POTEF: variants seen among roughly 807,000 people sequenced by gnomAD.
POTEF encodes ANKRD26-like family C member 1B.
In POTEF, 20 loss-of-function variants were observed where a neutral mutation model predicts 83.2. The observed-to-expected ratio is 0.24, with a 90% CI of 0.17 to 0.35. The LOEUF (loss-of-function observed/expected upper bound fraction) is 0.35, where lower values mean the gene tolerates loss of function less well. Among genes scored for constraint, POTEF ranks in the 10% least tolerant of loss-of-function variants. The probability of loss-of-function intolerance (pLI) is 1.00; values close to 1 mark genes in which losing one functional copy is unlikely to be tolerated. For synonymous variants in POTEF, 196 were observed against 446.4 expected, an observed-to-expected ratio of 0.44 and a Z score of 7.07; for missense variants, 550 against 1,203.2, an observed-to-expected ratio of 0.46 and a Z score of 8.03.
intron 2 of POTEF, among the ~76,000 whole-genome samples, chr2:130,126,082 T>G (rs1345585413): frequency 2.0e-5 from 3 of 150,458 alleles, no homozygotes; most frequent in African/African-American, 7.4e-5. Context: ...GACAGGTGGA[T>G]CACTTGAAGT....
intron 2 of POTEF, among the ~76,000 whole-genome samples, chr2:130,121,022 G>A (rs1296607021): frequency 6.7e-6 from 1 of 150,222 alleles, no homozygotes; most frequent in Non-Finnish European, 1.5e-5. Context: ...TGCGGCGTGC[G>A]CGTGCAAGCC....
At chr2:130,119,219 A>C (rs13406164) in intron 3 of POTEF, among the ~76,000 whole-genome samples, 1 of 149,556 alleles carries the variant, frequency 6.7e-6, no homozygotes, top group Non-Finnish European at 1.5e-5. Flanking sequence ...GCTGGAGTGC[A>C]GTGGCACTAT....
intron 3 of POTEF, among the ~76,000 whole-genome samples, chr2:130,118,198 C>G (rs1170607086): frequency 1.3e-5 from 2 of 151,872 alleles, no homozygotes; most frequent in African/African-American, 4.8e-5. Context: ...CCTCAGCCTC[C>G]TAAAGTGCTG....
chr2:130,087,701 C>T (rs1472159522), intron 13 of POTEF, among the ~76,000 whole-genome samples: 4 of 74,208 alleles, frequency 5.4e-5, no homozygotes, highest in East Asian at 3.7e-4. Context: ...TGGTGGATGT[C>T]GGCTCACTGC....
chr2:130,110,444 A>G, intron 7 of POTEF, 99 bp downstream of exon 7: 1 of 1,578,036 alleles, frequency 6.3e-7, no homozygotes, highest in Non-Finnish European at 8.6e-7. Flanking sequence ...AACTACCTGA[A>G]CCAAACTATG....
rs748964075 is a variant in POTEF, at chr2:130,075,097, T to C, written c.2375A>G (p.Asn792Ser). ...CTCCTCGGGAGCCACACGCAGCTCGTTGTAGAAGGTGTGGTGCCAGATCTT... is the reference window on the plus strand; with the variant it reads ...CTCCTCGGGAGCCACACGCAGCTCGCTGTAGAAGGTGTGGTGCCAGATCTT... Reference protein sequence around the residue: ...MEKIWHHTFYNELRVAPEEHP... With the variant: ...MEKIWHHTFYSELRVAPEEHP... The change falls in exon 17 of 17, where the codon AAC becomes AGC. Residue 792 changes from asparagine to serine, a missense_variant. Transcript: ENST00000409914. The C allele has an allele frequency of 6.8e-6, 11 of 1,613,630 alleles. No individual in the cohort carries two copies. The highest frequency in any genetic ancestry group is 9.3e-6 in the Non-Finnish European group (11 of 1,179,956).
At chr2:130,113,836 C>A (rs1684773212) in intron 5 of POTEF, among the ~76,000 whole-genome samples, 1 of 151,374 alleles carries the variant, frequency 6.6e-6, no homozygotes, top group Non-Finnish European at 1.5e-5. Context: ...ATTTCTCACC[C>A]ACATGACCAA....
chr2:130,094,997 A>G (rs563264570), intron 11 of POTEF, among the ~76,000 whole-genome samples: 5 of 151,986 alleles, frequency 3.3e-5, no homozygotes, highest in Admixed American at 2.6e-4. Flanking sequence ...ATTACCAGGC[A>G]AAACTGTTAG....
In POTEF at chr2:130,075,054, G is replaced by T. The variant is rs566969052; in HGVS notation, c.2418C>A (p.Thr806=). 1 of 1,613,808 alleles carries T rather than the reference G, an allele frequency of 6.2e-7. No homozygotes were observed. The highest frequency in any genetic ancestry group is 1.7e-5 in the Admixed American group (1 of 59,966). ...TGGCCTTAGGGTTCAGGGTGGCCTC[G>T]GTCAGCAGGACGGGGTGCTCCTCGG... The part of the protein sequence containing the change: ...VAPEEHPVLL[T]EATLNPKANR... Residue 806 remains threonine, a synonymous_variant, in exon 17 of 17, where the codon ACC becomes ACA. Transcript: ENST00000409914.
intron 2 of POTEF, among the ~76,000 whole-genome samples, chr2:130,121,324 T>TA (rs1210336427): frequency 2.7e-5 from 4 of 149,582 alleles, no homozygotes; most frequent in African/African-American, 2.5e-5. Context: ...AAAAGCCTCT[T>TA]AAAGGAGGAC....
intron 2 of POTEF, 50 bp from the exon 3 acceptor site, chr2:130,120,658 G>C: frequency 6.7e-7 from 1 of 1,488,518 alleles, no homozygotes; most frequent in Non-Finnish European, 9.0e-7. Context: ...AACCCCAGCA[G>C]GGGATTCCAG....
In POTEF at chr2:130,075,162, G is replaced by A. The variant is rs1174351223; in HGVS notation, c.2310C>T (p.Pro770=). The A allele has an allele frequency of 2.3e-5, 37 of 1,613,226 alleles. 1 individual carries two copies. Among genetic ancestry groups the A allele is most frequent in the Non-Finnish European group, 3.1e-5 (36 of 1,179,898 alleles). Residue 770 remains proline (P), a synonymous_variant, in exon 17 of 17, where the codon CCC becomes CCT. Transcript: ENST00000409914. Reference sequence around the variant, plus strand: ...AGTTGGTGATGATGCCGTGTTCCATGGGGTACTTCAGGGTCAGGATGCCTC... The same window carrying A: ...AGTTGGTGATGATGCCGTGTTCCATAGGGTACTTCAGGGTCAGGATGCCTC... ...SKRGILTLKY[P]MEHGIITNWD... is the part of the protein sequence containing the mutation.
chr2:130,120,792 C>T, intron 2 of POTEF, 184 bp from the exon 3 acceptor site: 1 of 585,042 alleles, frequency 1.7e-6, no homozygotes, highest in Non-Finnish European at 3.0e-6. Context: ...CCCAGCCCAC[C>T]CAAGGGAATG....
chr2:130,109,474 C>G (rs1297888002), intron 7 of POTEF: 1 of 146,644 alleles, frequency 6.8e-6, no homozygotes. Flanking sequence ...GAAGTAGCTC[C>G]GATAATTTTC....
chr2:130,128,207 G>A (rs1337956270), intron 1 of POTEF, among the ~76,000 whole-genome samples: 3 of 149,050 alleles, frequency 2.0e-5, no homozygotes, highest in South Asian at 4.2e-4. Flanking sequence ...AGTCCCCCGC[G>A]ATGCCCACTA....
intron 1 of POTEF, among the ~76,000 whole-genome samples, chr2:130,128,065 G>T (rs1348236675): frequency 6.9e-6 from 1 of 145,108 alleles, no homozygotes; most frequent in East Asian, 2.0e-4. Flanking sequence ...CAACTGGCCA[G>T]AAATTGCTGG....
Position 130,120,345 on chromosome 2 carries a change from G to C in POTEF, c.171C>G (p.Leu57=). The C allele has an allele frequency of 2.5e-6, 4 of 1,611,368 alleles. No individual in the cohort carries two copies. The highest frequency in any genetic ancestry group is 1.7e-4 in the Middle Eastern group (1 of 6,036). ...GDHDDSAMKT[L]RSKMGKWCRH... ...GGCACCACTTGCCCATCTTGCTCCT[G>C]AGTGTCTTCATAGCAGAGTCGTCGT... The change falls in exon 3 of 17, where the codon CTC becomes CTG. Residue 57 remains leucine, a synonymous_variant. Transcript: ENST00000409914.
chr2:130,119,412 C>T (rs1351445134), intron 3 of POTEF, among the ~76,000 whole-genome samples: 6 of 151,868 alleles, frequency 4.0e-5, no homozygotes, highest in African/African-American at 7.3e-5. Context: ...ATGATCCGCC[C>T]GCCTCCCAAA....
At chr2:130,083,671 G>T in intron 15 of POTEF, among the ~76,000 whole-genome samples, 1 of 89,862 alleles carries the variant, frequency 1.1e-5, no homozygotes, top group Non-Finnish European at 2.1e-5. Flanking sequence ...GAGATCAAGA[G>T]TGAATGGAAA....
Sources: gnomAD v4.1 joint callset for allele counts (sites outside exome capture counted in the v4.1 genomes callset) on GRCh38, gnomAD v4.1.1 for gene constraint, MANE v1.5 for transcripts, NCBI Gene and HGNC (gene_info 2026-07-23, HGNC 2026-07-21) for gene names.